Variants in IL18R1 observed in about 807,000 individuals in gnomAD.
IL18R1 encodes interleukin 18 receptor 1, also known as interleukin-18 receptor 1.
Under a neutral mutation model 48.5 loss-of-function variants are expected in IL18R1, and 40 were observed. The observed-to-expected ratio is 0.82, with a 90% CI of 0.64 to 1.07. The LOEUF (loss-of-function observed/expected upper bound fraction) is 1.07. Among genes scored for constraint, IL18R1 ranks in the 50% least tolerant of loss-of-function variants. The probability of loss-of-function intolerance (pLI) is 0.00; values close to 1 mark genes in which losing one functional copy is unlikely to be tolerated. For synonymous variants in IL18R1, 232 were observed against 225.9 expected (o/e 1.03, Z -0.24); for missense variants, 596 against 633.7 (o/e 0.94, Z 0.64).
chr2:102,392,603 C>T (rs2105128614), intron 9 of IL18R1, among the ~76,000 whole-genome samples: 1 of 152,190 alleles, frequency 6.6e-6, no homozygotes. Context: ...AAACTTTTAT[C>T]ACAATTTAAT....
At chr2:102,356,589 T>G (rs2105014214) in intron 1 of IL18R1, among the ~76,000 whole-genome samples, 189 bp downstream of exon 1, 1 of 152,340 alleles carries the variant, frequency 6.6e-6, no homozygotes, top group Admixed American at 6.5e-5. Flanking sequence ...GTTTTAGAAA[T>G]TAAGACATCC....
rs757943982 is a variant in IL18R1 at position 102,362,702 on chromosome 2, A to G, written c.42A>G (p.Ile14Met). ...RELPLTLWVL[I>M]SVSTAESCTS... ...TACCCTTGACCCTTTGGGTGCTTAT[A>G]TCTGTAAGCACTGCAGGTAAGTGAT... Residue 14 changes from isoleucine (I) to methionine (M), a missense_variant, in exon 2 of 11, where the codon ATA becomes ATG. Physicochemically the swap from Ile to Met is conservative, Grantham distance 10. Around this residue, in one of 3 missense-constraint regions of IL18R1, gnomAD observed 360 missense variants for 339.4 expected, o/e 1.06. Coordinates refer to ENST00000233957, the MANE Select transcript of IL18R1 (RefSeq NM_003855.5). 20 of 1,598,164 alleles carry G rather than the reference A, an allele frequency of 1.3e-5. No individual in the cohort carries two copies. Among genetic ancestry groups the G allele is most frequent in the Non-Finnish European group, 1.7e-5 (20 of 1,169,466 alleles).
At chr2:102,362,598 A>C in intron 1 of IL18R1, 35 bp from the exon 2 acceptor site, 1 of 1,442,110 alleles carries the variant, frequency 6.9e-7, no homozygotes, top group Non-Finnish European at 9.5e-7. Context: ...TTTGTTTGAA[A>C]GCTTTGGCTG....
chr2:102,390,949 A>AAAAAAAAAAAAAG (rs1452152750), intron 9 of IL18R1, among the ~76,000 whole-genome samples: 3 of 150,866 alleles, frequency 2.0e-5, no homozygotes, highest in East Asian at 1.9e-4. Context: ...AAAAAAAAAA[A>AAAAAAAAAAAAAG]AGAGAGAGAA....
At chr2:102,357,217 G>A (rs1487983698) in intron 1 of IL18R1, among the ~76,000 whole-genome samples, 2 of 152,150 alleles carry the variant, frequency 1.3e-5, no homozygotes, top group East Asian at 1.9e-4. Flanking sequence ...TAGGAATGTG[G>A]ATTGAAAAGG....
intron 9 of IL18R1, among the ~76,000 whole-genome samples, chr2:102,392,351 T>C (rs1462854933): frequency 6.6e-6 from 1 of 152,230 alleles, no homozygotes; most frequent in African/African-American, 2.4e-5. Flanking sequence ...AGTGTTTGTC[T>C]TCAAATAAAC....
In IL18R1 at chr2:102,367,830, T is replaced by C; in HGVS notation, c.64T>C (p.Cys22Arg). The C allele has an allele frequency of 6.2e-7, 1 of 1,612,520 alleles. No individual in the cohort carries two copies. ...ACTTTACTAATCTTTTGAAGAATCT[T>C]GTACTTCACGTCCCCACATTACTGT... ...VLISVSTAES[C>R]TSRPHITVVE... Residue 22 changes from cysteine to arginine, a missense_variant, in exon 3 of 11, where the codon TGT (cysteine) becomes CGT (arginine). Cys to Arg is a radical substitution (Grantham distance 180, BLOSUM62 -3). Coordinates refer to ENST00000233957, the MANE Select transcript of IL18R1 (RefSeq NM_003855.5).
chr2:102,383,832 T>C (rs550508952), intron 6 of IL18R1, among the ~76,000 whole-genome samples: 145 of 152,186 alleles, frequency 9.5e-4, no homozygotes, highest in Non-Finnish European at 1.5e-3. Context: ...TAAATTACAC[T>C]TTGTTGAAAA....
chr2:102,392,537 A>G (rs1680610595), intron 9 of IL18R1, among the ~76,000 whole-genome samples: 1 of 152,228 alleles, frequency 6.6e-6, no homozygotes, highest in Non-Finnish European at 1.5e-5. Context: ...ATTATGGTCC[A>G]TGAACAAATG....
intron 3 of IL18R1, among the ~76,000 whole-genome samples, chr2:102,369,878 G>A (rs919842510): frequency 6.6e-6 from 1 of 152,114 alleles, no homozygotes; most frequent in African/African-American, 2.4e-5. Context: ...TTTTAAGAAC[G>A]AAATCAACTA....
intron 4 of IL18R1, chr2:102,373,810 C>T (rs1679411401): frequency 5.1e-6 from 1 of 195,850 alleles, no homozygotes; most frequent in Admixed American, 5.3e-5. Flanking sequence ...GTGAGATCCG[C>T]AGCTGCATTA....
chr2:102,392,819 T>A (rs1347818846), intron 9 of IL18R1, among the ~76,000 whole-genome samples: 1 of 152,186 alleles, frequency 6.6e-6, no homozygotes, highest in Non-Finnish European at 1.5e-5. Flanking sequence ...TTTTCCTTTA[T>A]GTTTGAATAT....
chr2:102,361,279 A>G (rs1172393625), intron 1 of IL18R1, among the ~76,000 whole-genome samples: 2 of 152,214 alleles, frequency 1.3e-5, no homozygotes, highest in East Asian at 3.8e-4. Flanking sequence ...ACCCAGTCTA[A>G]TTTGATTATG....
Position 102,365,678 on chromosome 2 carries a change from T to C in IL18R1, c.59-2147T>C, listed in dbSNP as rs1027538665. Among the ~76,000 whole-genome samples the C allele has an allele frequency of 1.4e-4, 21 of 152,210 alleles. 1 individual carries two copies. Among genetic ancestry groups the C allele is most frequent in the Non-Finnish European group, 2.9e-5 (2 of 68,032 alleles). On this transcript the variant is annotated intron_variant, in intron 2 of 10. Coordinates refer to ENST00000233957, the MANE Select transcript of IL18R1 (RefSeq NM_003855.5). ...TTCCACACTACCCTAGCAAAGATTC[T>C]ACATGAGGGTTCCACCCCTGCAGCA...
At chr2:102,391,495 T>G (rs1680567802) in intron 9 of IL18R1, among the ~76,000 whole-genome samples, 1 of 152,240 alleles carries the variant, frequency 6.6e-6, no homozygotes, top group South Asian at 2.1e-4. Context: ...CTCCTTTTGA[T>G]GGACATTTGG....
chr2:102,370,635 CT>C (rs2105058160), intron 3 of IL18R1, among the ~76,000 whole-genome samples: 1 of 152,364 alleles, frequency 6.6e-6, no homozygotes, highest in South Asian at 2.1e-4. Flanking sequence ...GTGCAGAGCA[CT>C]TCTGGCCTCT....
Position 102,386,849 on chromosome 2 carries a change from G to A in IL18R1, c.810-12G>A. 1.2e-6 allele frequency: 2 copies of A among 1,613,618 alleles called. No homozygotes were observed. The highest frequency in any genetic ancestry group is 2.2e-5 in the South Asian group (2 of 90,970). On this transcript the variant is annotated splice_polypyrimidine_tract_variant and intron_variant, in intron 7 of 10. Coordinates refer to ENST00000233957, the MANE Select transcript of IL18R1 (RefSeq NM_003855.5). The stretch of plus-strand genomic sequence containing the variant: ...ACAGAGCCTACTGCTAAATTATTTT[G>A]CCCTCTTACAGGACTCCAGAAGGCA...
intron 5 of IL18R1, among the ~76,000 whole-genome samples, chr2:102,378,111 G>A (rs1679701342): frequency 6.6e-6 from 1 of 152,010 alleles, no homozygotes; most frequent in Non-Finnish European, 1.5e-5. Flanking sequence ...CACCATCTTT[G>A]CTTTCTGCCC....
chr2:102,396,139 A>G (rs2105137880), intron 10 of IL18R1, among the ~76,000 whole-genome samples: 1 of 152,118 alleles, frequency 6.6e-6, no homozygotes. Flanking sequence ...AATGTATTCC[A>G]CTTGGGTTTA....
Sources: allele counts gnomAD v4.1 joint callset (sites outside exome capture counted in the v4.1 genomes callset), GRCh38; gene constraint gnomAD v4.1.1; regional missense constraint gnomAD v4.1.1; transcripts MANE v1.5; gene names NCBI Gene and HGNC (gene_info 2026-07-23, HGNC 2026-07-21).